PFKFB1: variants seen among roughly 807,000 people sequenced by gnomAD.
The protein encoded by PFKFB1 is 6-phosphofructo-2-kinase/fructose-2,6-bisphosphatase 1.
Under a neutral mutation model 46.4 loss-of-function variants are expected in PFKFB1, and 34 were observed. The observed-to-expected ratio is 0.73, with a 90% CI of 0.56 to 0.98. PFKFB1 has a LOEUF of 0.98. Among genes scored for constraint, PFKFB1 ranks in the 50% least tolerant of loss-of-function variants. The pLI is 0.00. For synonymous variants in PFKFB1, 119 were observed against 133.8 expected (o/e 0.89, Z 0.76); for missense variants, 393 against 376.3 (o/e 1.04, Z -0.37).
chrX:54,938,267 G>A (rs920159637), intron 10 of PFKFB1, among the ~76,000 whole-genome samples: 6 of 111,894 alleles, frequency 5.4e-5, no homozygotes, highest in African/African-American at 1.3e-4. Flanking sequence ...AAATCTTTAC[G>A]CTCTAAGTGC....
rs749140789 is a variant in PFKFB1 at position 54,975,274 on chromosome X, T to C, written c.98-11892A>G. 6.3e-5 allele frequency among the ~76,000 whole-genome samples: 7 copies of C among 111,512 alleles called. No homozygotes were observed. In the South Asian group the frequency reaches 2.6e-3, roughly 42 times the overall value. On this transcript the variant is annotated intron_variant, in intron 1 of 13. Coordinates refer to ENST00000375006, the MANE Select transcript of PFKFB1 (RefSeq NM_002625.4). ...TCTTTATATCATATACCATGGTATATATACACCATGGAATACTACTCAGCC... is the reference window on the plus strand; with the variant it reads ...TCTTTATATCATATACCATGGTATACATACACCATGGAATACTACTCAGCC...
In PFKFB1 at chrX:54,972,239, A is replaced by C. The variant is rs1230495288; in HGVS notation, c.98-8857T>G. ...CTTATCAGCTTAAGGAGATTTTGGG[A>C]TGAGACAATGGGGTTTTCTAGATAT... is the stretch of plus-strand genomic sequence containing the variant. On this transcript the variant is annotated intron_variant, in intron 1 of 13. Coordinates refer to ENST00000375006, the MANE Select transcript of PFKFB1 (RefSeq NM_002625.4). 5.4e-5 allele frequency among the ~76,000 whole-genome samples: 6 copies of C among 110,524 alleles called. No homozygotes were observed. The East Asian group carries it at 1.4e-3, about 26-fold the overall frequency.
At chrX:54,934,917 C>G (rs1225410381) in intron 12 of PFKFB1, 30 bp downstream of exon 12, 5 of 1,143,942 alleles carry the variant, frequency 4.4e-6, no homozygotes, top group Non-Finnish European at 6.0e-6. Flanking sequence ...CTCTATATGC[C>G]TGTCCTTTGA....
At chrX:54,994,319 A>G, upstream of PFKFB1, 1 of 754,158 alleles carries the variant, frequency 1.3e-6, no homozygotes, top group Non-Finnish European at 1.6e-6. Context: ...TTGGAGCCCA[A>G]CAAGGAAGGC....
intron 1 of PFKFB1, among the ~76,000 whole-genome samples, chrX:54,984,665 G>A (rs1935072663): frequency 8.9e-6 from 1 of 111,825 alleles, no homozygotes; most frequent in Non-Finnish European, 1.9e-5. Flanking sequence ...CTTAAGGTGT[G>A]TATAGCCAAG....
chrX:54,961,129 C>G (rs1377139193), intron 2 of PFKFB1, among the ~76,000 whole-genome samples: 1 of 111,376 alleles, frequency 9.0e-6, no homozygotes, highest in Non-Finnish European at 1.9e-5. Flanking sequence ...AATGAGGAAA[C>G]TGAAAGTTCA....
chrX:54,988,284 A>G (rs1039579977), intron 1 of PFKFB1, among the ~76,000 whole-genome samples: 4 of 111,867 alleles, frequency 3.6e-5, no homozygotes, highest in Non-Finnish European at 7.5e-5. Context: ...CACTTTAAAA[A>G]ATGTAAAACA....
Position 54,952,128 on chromosome X carries a change from G to A in PFKFB1, c.639-16C>T, listed in dbSNP as rs753504330. The A allele has an allele frequency of 5.1e-6, 6 of 1,180,891 alleles. No individual in the cohort carries two copies. The highest frequency in any genetic ancestry group is 3.6e-5 in the South Asian group (2 of 55,924). On this transcript the variant is annotated splice_polypyrimidine_tract_variant and intron_variant, in intron 7 of 13. Transcript: ENST00000375006. ...GGACAGGTGGCTGGGCCAGACCCAA[G>A]CAGGAGCAAGGGCAGCTCAGGGGCT...
intron 10 of PFKFB1, among the ~76,000 whole-genome samples, chrX:54,938,500 A>T (rs931521215): frequency 9.0e-6 from 1 of 111,544 alleles, no homozygotes; most frequent in Non-Finnish European, 1.9e-5. Flanking sequence ...CAGGAAACCC[A>T]TCTCACATGC....
At chrX:54,998,384 C>T (rs1283863205), upstream of PFKFB1, 2 of 1,132,292 alleles carry the variant, frequency 1.8e-6, no homozygotes, top group Non-Finnish European at 2.3e-6. Flanking sequence ...CTCCTGCCTA[C>T]TTTCCCTTCT....
chrX:54,962,996 T>C (rs1303191040), intron 2 of PFKFB1, among the ~76,000 whole-genome samples: 2 of 112,495 alleles, frequency 1.8e-5, no homozygotes, highest in African/African-American at 6.5e-5. Context: ...TTTGAGGTCA[T>C]GGAACTTCTT....
At chrX:54,993,587 A>G (rs887527515) in intron 1 of PFKFB1, among the ~76,000 whole-genome samples, 10 of 112,188 alleles carry the variant, frequency 8.9e-5, no homozygotes, top group African/African-American at 3.2e-4. Flanking sequence ...CTATCACTGA[A>G]CAGTCCTAAA....
Position 54,937,614 on chromosome X carries a change from A to T in PFKFB1, c.1209T>A (p.Tyr403Ter), listed in dbSNP as rs142567584. ...TAGTACCTGAACTTTTATCCAGGAA[A>T]TAGGCCAGGAGGCACCGCATGACAG... ...HQAVMRCLLA[Y>*]FLDKSSDELP... Residue 403 changes from tyrosine (Y) to a stop codon, truncating the protein, a stop_gained, in exon 11 of 14, where the codon TAT becomes TAA. Coordinates refer to ENST00000375006, the MANE Select transcript of PFKFB1 (RefSeq NM_002625.4). LOFTEE classifies it high-confidence loss of function. 17 of 1,208,445 alleles carry T rather than the reference A, an allele frequency of 1.4e-5. No homozygotes were observed. In the African/African-American group the frequency reaches 3.0e-4, roughly 21 times the overall value.
At chrX:54,996,604 C>T (rs1010755782), upstream of PFKFB1, among the ~76,000 whole-genome samples, 1 of 111,875 alleles carries the variant, frequency 8.9e-6, no homozygotes, top group African/African-American at 3.3e-5. Context: ...CTACTGTTAC[C>T]AATTCTGATC....
At chrX:54,981,654 T>G (rs1602223059) in intron 1 of PFKFB1, among the ~76,000 whole-genome samples, 2 of 111,444 alleles carry the variant, frequency 1.8e-5, no homozygotes, top group African/African-American at 6.5e-5. Context: ...GCAAGTAAAA[T>G]GGTAAACATG....
intron 10 of PFKFB1, among the ~76,000 whole-genome samples, chrX:54,944,294 CTT>C (rs1423983432): frequency 1.8e-5 from 2 of 111,037 alleles, no homozygotes; most frequent in Non-Finnish European, 3.8e-5. Flanking sequence ...GATATAAAAA[CTT>C]TATCAATCCT....
At chrX:54,953,561 C>G (rs1427807231) in intron 7 of PFKFB1, among the ~76,000 whole-genome samples, 1 of 111,793 alleles carries the variant, frequency 8.9e-6, no homozygotes, top group Non-Finnish European at 1.9e-5. Flanking sequence ...GCCACCTTCT[C>G]GGGAAGAAGA....
At position 54,958,894 on chromosome X, in the gene PFKFB1, C is replaced by T. The variant is rs1408406355; in HGVS notation, c.416G>A (p.Arg139Gln). ...TGCAAACTGCAGGATCAGTGACCGT[C>T]GTTCTCTGGTAGTGTTGGTGGCATC... ...VFDATNTTRE[R>Q]RSLILQFAKE... The change falls in exon 5 of 14, where the codon CGA becomes CAA. Residue 139 changes from arginine to glutamine, a missense_variant. Arg to Gln is a conservative substitution (Grantham distance 43). Coordinates refer to ENST00000375006, the MANE Select transcript of PFKFB1 (RefSeq NM_002625.4). 7 of 1,198,570 alleles carry T rather than the reference C, an allele frequency of 5.8e-6. No individual in the cohort carries two copies. Among genetic ancestry groups the T allele is most frequent in the South Asian group, 1.8e-5 (1 of 56,262 alleles).
chrX:54,953,277 C>A (rs1403175298), intron 7 of PFKFB1, among the ~76,000 whole-genome samples: 3 of 111,726 alleles, frequency 2.7e-5, no homozygotes, highest in Admixed American at 9.5e-5. Context: ...TAACTCCAGG[C>A]AGGTAAGGTT....
Sources: gnomAD v4.1 joint callset for allele counts (sites outside exome capture counted in the v4.1 genomes callset) on GRCh38, gnomAD v4.1.1 for gene constraint, MANE v1.5 for transcripts, NCBI Gene and HGNC (gene_info 2026-07-23, HGNC 2026-07-21) for gene names.